SYT12: variants seen among roughly 807,000 people sequenced by gnomAD.
SYT12 encodes the protein synaptotagmin 12, also known as synaptotagmin-12.
In SYT12, 27 loss-of-function variants were observed where a neutral mutation model predicts 39.5. The observed-to-expected ratio is 0.68, with a 90% CI of 0.50 to 0.94. The LOEUF (loss-of-function observed/expected upper bound fraction) is 0.94, where lower values mean the gene tolerates loss of function less well. Ranked by LOEUF, SYT12 falls within the 40% of genes least tolerant of loss-of-function variation. The pLI is 0.00. For synonymous variants in SYT12, 233 were observed against 239.7 expected (o/e 0.97, Z 0.26); for missense variants, 536 against 572.6 (o/e 0.94, Z 0.65).
chr11:67,007,294 T>A (rs1949977048), exon 1 of SYT12: 1 of 152,192 alleles, frequency 6.6e-6, no homozygotes, highest in African/African-American at 2.4e-5. Context: ...ACTGAGGAAC[T>A]CTCATGCCCT....
chr11:67,013,885 G>A lies in SYT12; in HGVS notation c.-69+2891G>A, dbSNP rs1227122745. ...AGAGCCCAGAATCAAGGTGTTGGCA[G>A]GGCTGGTTCCCTCCAGACGCTCTCC... On this transcript the variant is annotated intron_variant, in intron 3 of 10. Transcript: ENST00000393946. 3.9e-5 allele frequency among the ~76,000 whole-genome samples: 6 copies of A among 152,322 alleles called. No homozygotes were observed. In the South Asian group the frequency reaches 1.2e-3, roughly 32 times the overall value.
chr11:67,047,490 A>T (rs1448848120), intron 7 of SYT12, among the ~76,000 whole-genome samples: 1 of 148,316 alleles, frequency 6.7e-6, no homozygotes, highest in Admixed American at 6.7e-5. Context: ...CTGGTCTCGA[A>T]CTCCCAGCTT....
chr11:67,034,048 G>A (rs1480488987), intron 2 of SYT12, among the ~76,000 whole-genome samples: 6 of 152,198 alleles, frequency 3.9e-5, no homozygotes, highest in Admixed American at 3.9e-4. Context: ...TTTGGTAAGA[G>A]ATTCACAGAG....
At chr11:67,046,611 C>T (rs753571179) in intron 7 of SYT12, among the ~76,000 whole-genome samples, 1 of 152,248 alleles carries the variant, frequency 6.6e-6, no homozygotes, top group African/African-American at 2.4e-5. Flanking sequence ...CCCGGGCACA[C>T]CCCAGCATCT....
At chr11:67,019,410 T>G (rs887774928), upstream of SYT12, among the ~76,000 whole-genome samples, 1 of 151,308 alleles carries the variant, frequency 6.6e-6, no homozygotes, top group African/African-American at 2.4e-5. Flanking sequence ...AGGCGGAGGT[T>G]GCAGTGAGCC....
chr11:67,045,671 G>A, intron 6 of SYT12, 73 bp from the exon 7 acceptor site: 7 of 1,576,704 alleles, frequency 4.4e-6, no homozygotes, highest in Non-Finnish European at 6.0e-6. Context: ...TGGAGTCGGT[G>A]GGTGGAGCCA....
chr11:67,018,611 A>G (rs1950078134), upstream of SYT12, among the ~76,000 whole-genome samples: 1 of 152,024 alleles, frequency 6.6e-6, no homozygotes, highest in Non-Finnish European at 1.5e-5. Flanking sequence ...TCATGAGGTC[A>G]AGAGATCAAG....
chr11:67,030,247 G>T, intron 2 of SYT12, 69 bp downstream of exon 2: 1 of 1,548,422 alleles, frequency 6.5e-7, no homozygotes, highest in Non-Finnish European at 8.9e-7. Context: ...TGGGTGGGAG[G>T]TGTCTGTGGG....
rs1854677121 is a variant in SYT12 at position 67,049,250 on chromosome 11, A to G, written c.*493A>G. 6.5e-6 allele frequency: 1 copy of G among 154,754 alleles called. No homozygotes were observed. The highest frequency in any genetic ancestry group is 2.4e-5 in the African/African-American group (1 of 41,494). 9.6% of individuals were successfully genotyped at this position (154,754 alleles called of 1,614,324 possible). On this transcript the variant is annotated 3_prime_UTR_variant, in exon 8 of 8. Transcript: ENST00000527043. Reference sequence around the variant, plus strand: ...GGAAGGGCCTCTTTGACAAGGTAGGAGCTGTGCTTGGAGGGGCAGGAAAAG... The same window carrying G: ...GGAAGGGCCTCTTTGACAAGGTAGGGGCTGTGCTTGGAGGGGCAGGAAAAG...
At chr11:67,041,896 G>A (rs937122516) in intron 4 of SYT12, among the ~76,000 whole-genome samples, 5 of 152,220 alleles carry the variant, frequency 3.3e-5, no homozygotes, top group Admixed American at 6.5e-5. Flanking sequence ...AATAAAGCGT[G>A]AGGGGCAGGG....
intron 1 of SYT12, among the ~76,000 whole-genome samples, 196 bp downstream of exon 1, chr11:67,023,656 C>G (rs1285537535): frequency 6.6e-6 from 1 of 152,202 alleles, no homozygotes; most frequent in African/African-American, 2.4e-5. Flanking sequence ...CCCGGCCCGG[C>G]CACTCCGCGC....
intron 3 of SYT12, among the ~76,000 whole-genome samples, chr11:67,017,543 T>C (rs1263011597): frequency 6.6e-6 from 1 of 151,544 alleles, no homozygotes; most frequent in Admixed American, 6.6e-5. Context: ...ATATTTTCAG[T>C]AGAGATGGGG....
chr11:67,047,889 G>A (rs1164873319), intron 7 of SYT12, among the ~76,000 whole-genome samples: 14 of 137,386 alleles, frequency 1.0e-4, no homozygotes, highest in Non-Finnish European at 1.8e-4. Context: ...CCAGGTTCAC[G>A]CCATTCTCCT....
chr11:67,024,800 G>A (rs1050366196), intron 1 of SYT12, among the ~76,000 whole-genome samples: 8 of 152,308 alleles, frequency 5.3e-5, no homozygotes, highest in Admixed American at 3.9e-4. Context: ...CAGGTTGAAG[G>A]ATGAGGCTCT....
intron 3 of SYT12, among the ~76,000 whole-genome samples, chr11:67,038,963 G>A (rs1950441240): frequency 6.6e-6 from 1 of 151,568 alleles, no homozygotes; most frequent in Non-Finnish European, 1.5e-5. Context: ...CTCCAGGCTG[G>A]GCGATGCAGC....
intron 1 of SYT12, among the ~76,000 whole-genome samples, chr11:67,025,164 C>T (rs946927183): frequency 1.3e-5 from 2 of 152,216 alleles, no homozygotes; most frequent in Non-Finnish European, 2.9e-5. Context: ...CCCCAGCTTC[C>T]TCATCTATAA....
At chr11:67,031,154 G>A (rs1409591945) in intron 2 of SYT12, 3 of 152,532 alleles carry the variant, frequency 2.0e-5, no homozygotes, top group South Asian at 2.1e-4. Flanking sequence ...CCTTGGGCAA[G>A]TGGTGAAACC....
At chr11:67,035,831 TTC>T (rs1950363271) in intron 3 of SYT12, among the ~76,000 whole-genome samples, 2 of 101,334 alleles carry the variant, frequency 2.0e-5, no homozygotes, top group Admixed American at 1.0e-4. Context: ...CCTTCCTTCC[TTC>T]CTTCCTTTCT....
At chr11:67,009,049 C>T (rs548159054) in intron 1 of SYT12, among the ~76,000 whole-genome samples, 20 of 151,914 alleles carry the variant, frequency 1.3e-4, no homozygotes, top group African/African-American at 4.3e-4. Context: ...CTGGCTCTGT[C>T]GCCCAGGCTA....
Sources: allele counts gnomAD v4.1 joint callset (sites outside exome capture counted in the v4.1 genomes callset), GRCh38; gene constraint gnomAD v4.1.1; transcripts MANE v1.5; gene names NCBI Gene and HGNC (gene_info 2026-07-23, HGNC 2026-07-21).